Variants in ARHGEF3 observed in about 807,000 individuals in gnomAD.
ARHGEF3 encodes Rho guanine nucleotide exchange factor 3.
Under a neutral mutation model 63.2 loss-of-function variants are expected in ARHGEF3, and 28 were observed. The observed-to-expected ratio is 0.44, with a 90% CI of 0.33 to 0.61. The LOEUF is 0.61. ARHGEF3 is among the 20% of genes least tolerant of loss of function. The pLI, the probability that ARHGEF3 is intolerant of heterozygous loss-of-function variation, is 0.03. For missense variants in ARHGEF3, 533 were observed against 659.3 expected (o/e 0.81, Z 2.10); for synonymous variants, 266 against 254.2 (o/e 1.05, Z -0.44).
intron 2 of ARHGEF3, among the ~76,000 whole-genome samples, chr3:56,983,264 A>G (rs889263292): frequency 2.6e-5 from 4 of 152,050 alleles, no homozygotes; most frequent in Non-Finnish European, 5.9e-5. Context: ...AAATCTCATC[A>G]CTAAGGGCCC....
chr3:56,988,393 C>A (rs973870590), intron 2 of ARHGEF3, among the ~76,000 whole-genome samples: 1 of 152,102 alleles, frequency 6.6e-6, no homozygotes, highest in South Asian at 2.1e-4. Flanking sequence ...GTGATCCACC[C>A]GCTTCGGCCT....
chr3:57,013,945 A>C (rs771798892), intron 2 of ARHGEF3, among the ~76,000 whole-genome samples: 23 of 152,150 alleles, frequency 1.5e-4, no homozygotes, highest in African/African-American at 5.6e-4. Context: ...GTCAATTTCC[A>C]CTCTGGGGAA....
chr3:57,011,798 G>A (rs1240560136), intron 2 of ARHGEF3, among the ~76,000 whole-genome samples: 1 of 152,188 alleles, frequency 6.6e-6, no homozygotes, highest in Non-Finnish European at 1.5e-5. Flanking sequence ...GAGGATTCAT[G>A]AGACCTGGCT....
chr3:56,991,631 T>C (rs1471098359), intron 2 of ARHGEF3, among the ~76,000 whole-genome samples: 2 of 152,224 alleles, frequency 1.3e-5, no homozygotes, highest in African/African-American at 4.8e-5. Flanking sequence ...TGTTTTGTTT[T>C]TGAGACAGGG....
chr3:56,859,808 G>A (rs2040007651), intron 4 of ARHGEF3, among the ~76,000 whole-genome samples: 1 of 151,906 alleles, frequency 6.6e-6, no homozygotes, highest in Non-Finnish European at 1.5e-5. Context: ...AAAGTGCTGG[G>A]GTTACAGGCA....
chr3:56,928,616 A>C (rs1033781729), intron 3 of ARHGEF3, among the ~76,000 whole-genome samples: 2 of 152,210 alleles, frequency 1.3e-5, no homozygotes, highest in Admixed American at 1.3e-4. Flanking sequence ...GCTCCACTTG[A>C]GCCCTGTAAT....
chr3:56,882,503 CACT>C (rs2040800910), intron 3 of ARHGEF3: 2 of 476,000 alleles, frequency 4.2e-6, no homozygotes, highest in South Asian at 2.3e-5. Context: ...TGTAAATGAA[CACT>C]TCTTTTTTTT....
chr3:56,986,595 C>T (rs951240840), intron 2 of ARHGEF3, among the ~76,000 whole-genome samples: 1 of 152,012 alleles, frequency 6.6e-6, no homozygotes, highest in Non-Finnish European at 1.5e-5. Context: ...GCCAGCAAAT[C>T]GAGTGTTCCA....
chr3:57,005,646 C>A (rs1242911477), intron 2 of ARHGEF3, among the ~76,000 whole-genome samples: 1 of 152,198 alleles, frequency 6.6e-6, no homozygotes, highest in Non-Finnish European at 1.5e-5. Flanking sequence ...TGTCTATAGA[C>A]CTCACTCATC....
intron 2 of ARHGEF3, among the ~76,000 whole-genome samples, chr3:56,961,801 G>C (rs1172668548): frequency 6.6e-6 from 1 of 152,152 alleles, no homozygotes; most frequent in Non-Finnish European, 1.5e-5. Context: ...CCAGCATTTT[G>C]GGAGGCCAAG....
intron 2 of ARHGEF3, among the ~76,000 whole-genome samples, chr3:56,966,062 T>C (rs988592470): frequency 2.6e-5 from 4 of 152,214 alleles, no homozygotes; most frequent in African/African-American, 4.8e-5. Context: ...TATGATATGA[T>C]ATATTATTTA....
At chr3:56,855,027 T>C (rs1233550681) in intron 4 of ARHGEF3, among the ~76,000 whole-genome samples, 3 of 152,086 alleles carry the variant, frequency 2.0e-5, no homozygotes, top group Non-Finnish European at 4.4e-5. Context: ...AGTCACTAGA[T>C]ATGGCCATGG....
At chr3:56,759,174 ATTTT>A (rs35855808) in intron 2 of ARHGEF3, among the ~76,000 whole-genome samples, 2 of 128,164 alleles carry the variant, frequency 1.6e-5, no homozygotes, top group Admixed American at 8.6e-5. Context: ...AGAAAACTGA[ATTTT>A]TTTTTTTTTT....
At chr3:57,043,527 T>C (rs749312850) in intron 1 of ARHGEF3, among the ~76,000 whole-genome samples, 2 of 150,124 alleles carry the variant, frequency 1.3e-5, no homozygotes, top group Non-Finnish European at 3.0e-5. Context: ...TACAGTATAA[T>C]GTAACAAAGC....
chr3:56,773,882 C>A, intron 1 of ARHGEF3, 66 bp from the exon 2 acceptor site: 1 of 1,311,378 alleles, frequency 7.6e-7, no homozygotes, highest in South Asian at 1.3e-5. Context: ...ATAACTCCAT[C>A]ATACAACTGT....
intron 2 of ARHGEF3, among the ~76,000 whole-genome samples, chr3:56,984,469 C>G (rs905103553): frequency 6.6e-6 from 1 of 151,878 alleles, no homozygotes; most frequent in Non-Finnish European, 1.5e-5. Context: ...GGACAAGCCC[C>G]GCAAACTGTG....
At chr3:56,973,473 A>C (rs186557237) in intron 2 of ARHGEF3, among the ~76,000 whole-genome samples, 1 of 152,324 alleles carries the variant, frequency 6.6e-6, no homozygotes, top group Non-Finnish European at 1.5e-5. Context: ...GGGGACAAAA[A>C]TCAAGAGCAG....
At chr3:57,057,813 GTGAA>G (rs1705010373) in intron 1 of ARHGEF3, among the ~76,000 whole-genome samples, 1 of 152,132 alleles carries the variant, frequency 6.6e-6, no homozygotes, top group Non-Finnish European at 1.5e-5. Context: ...TATAGAGTAA[GTGAA>G]TGAATGACTG....
chr3:57,037,806 C>T (rs143090328), intron 1 of ARHGEF3, among the ~76,000 whole-genome samples: 40 of 152,254 alleles, frequency 2.6e-4, no homozygotes, highest in African/African-American at 7.0e-4. Flanking sequence ...ACCCGGGAGG[C>T]GGAGCTTGCA....
Sources: gnomAD v4.1 joint callset for allele counts (sites outside exome capture counted in the v4.1 genomes callset) on GRCh38, gnomAD v4.1.1 for gene constraint, MANE v1.5 for transcripts, NCBI Gene and HGNC (gene_info 2026-07-23, HGNC 2026-07-21) for gene names.